The following TYR variants were observed in gnomAD, a reference collection of about 807,000 sequenced individuals.
TYR encodes LB24-AB.
In TYR, 58 loss-of-function variants were observed where a neutral mutation model predicts 51.5. That is an observed-to-expected ratio of 1.13 (90% CI 0.91 to 1.40). The LOEUF (loss-of-function observed/expected upper bound fraction) is 1.40. Among genes scored for constraint, TYR ranks in the 40% most tolerant of loss-of-function variants. The probability of loss-of-function intolerance (pLI) is 0.00; values close to 1 mark genes in which losing one functional copy is unlikely to be tolerated. For synonymous variants in TYR, 263 were observed against 235.2 expected (o/e 1.12, Z -1.08); for missense variants, 732 against 647.4 (o/e 1.13, Z -1.42).
intron 3 of TYR, 88 bp downstream of exon 3, chr11:89,228,058 G>T: frequency 3.3e-6 from 5 of 1,526,704 alleles, no homozygotes; most frequent in Non-Finnish European, 3.6e-6. Flanking sequence ...TTAAATAAAA[G>T]CTAAGAAGTT....
chr11:89,192,085 C>A lies in TYR; in HGVS notation c.1036+667C>A, dbSNP rs1454719095. On this transcript the variant is annotated intron_variant, in intron 2 of 4. Coordinates refer to ENST00000263321, the MANE Select transcript of TYR (RefSeq NM_000372.5). Reference sequence around the variant, plus strand: ...GACACAGCACATAGGTAAAGCCTCCCTCTCATTATCCCTTAAGTTTTCTGT... The same window carrying A: ...GACACAGCACATAGGTAAAGCCTCCATCTCATTATCCCTTAAGTTTTCTGT... 9.8e-6 allele frequency: 4 copies of A among 407,198 alleles called. No individual in the cohort carries two copies. In the East Asian group the frequency reaches 3.3e-4, roughly 34 times the overall value. 25.2% of individuals were successfully genotyped at this position (407,198 alleles called of 1,614,324 possible). A position where few individuals can be genotyped will look rare whatever the true frequency, so the allele number is the denominator to read the frequency against.
intron 3 of TYR, among the ~76,000 whole-genome samples, chr11:89,248,840 T>C (rs1334370242): frequency 2.6e-5 from 4 of 152,104 alleles, no homozygotes; most frequent in Non-Finnish European, 4.4e-5. Context: ...AATGGAGCTA[T>C]TGGGAAACAG....
intron 3 of TYR, among the ~76,000 whole-genome samples, chr11:89,253,699 CATTT>C (rs55679085): frequency 0.26 from 39,978 of 151,460 alleles, 5,409 homozygotes; most frequent in Non-Finnish European, 0.3. Flanking sequence ...TTGCTGAATT[CATTT>C]ATCAATTCTA....
At chr11:89,264,201 T>TA (rs895354520) in intron 3 of TYR, among the ~76,000 whole-genome samples, 20 of 151,612 alleles carry the variant, frequency 1.3e-4, no homozygotes, top group East Asian at 3.9e-4. Context: ...AAACCCTTTT[T>TA]AAAAAAAAAT....
At chr11:89,279,897 G>C (rs1054433042) in intron 3 of TYR, among the ~76,000 whole-genome samples, 2 of 151,676 alleles carry the variant, frequency 1.3e-5, no homozygotes, top group African/African-American at 4.8e-5. Flanking sequence ...CTTCAAGACA[G>C]AGTATCTACA....
intron 1 of TYR, among the ~76,000 whole-genome samples, chr11:89,190,458 A>T (rs1417215301): frequency 6.6e-6 from 1 of 152,168 alleles, no homozygotes; most frequent in Non-Finnish European, 1.5e-5. Context: ...ATTAAATAGC[A>T]TAAAGCTTAT....
chr11:89,217,535 C>T (rs1278402445), intron 2 of TYR, among the ~76,000 whole-genome samples: 4 of 152,192 alleles, frequency 2.6e-5, no homozygotes, highest in Non-Finnish European at 2.9e-5. Flanking sequence ...GCCTACATGT[C>T]ATTGACCACT....
chr11:89,269,164 T>G (rs1338479950), intron 3 of TYR, among the ~76,000 whole-genome samples: 1 of 151,954 alleles, frequency 6.6e-6, no homozygotes, highest in South Asian at 2.1e-4. Flanking sequence ...AATGGACAAC[T>G]CAGTGAAGGG....
rs1156577257 is a variant in TYR, at chr11:89,231,170, C to CAAA, written c.1184+3219_1184+3221dup. Among the ~76,000 whole-genome samples, 81 of 65,342 alleles carry CAAA rather than the reference C, an allele frequency of 1.2e-3. 2 individuals are homozygous for CAAA. The highest frequency in any genetic ancestry group is 3.7e-3 in the African/African-American group (76 of 20,286). 42.9% of individuals were successfully genotyped at this position (65,342 alleles called of 152,430 possible). ...TGAGTGACAGGGTGAGACTTCGTCT[C>CAAA]AAAAAAAAAAAAAAAAAAAAAGGAA... On this transcript the variant is annotated intron_variant, in intron 3 of 4. Transcript: ENST00000263321.
intron 4 of TYR, among the ~76,000 whole-genome samples, chr11:89,288,375 G>T (rs1944817304): frequency 1.3e-5 from 2 of 151,918 alleles, no homozygotes; most frequent in East Asian, 1.9e-4. Context: ...CAGAGAAGAG[G>T]GTTCCCTTTA....
chr11:89,282,163 G>A (rs978837663), intron 3 of TYR, among the ~76,000 whole-genome samples: 6 of 151,582 alleles, frequency 4.0e-5, no homozygotes, highest in South Asian at 4.2e-4. Flanking sequence ...GTCCTACTTA[G>A]GTAAAGAATT....
chr11:89,243,075 G>A (rs1187552892), intron 3 of TYR, among the ~76,000 whole-genome samples: 2 of 152,248 alleles, frequency 1.3e-5, no homozygotes, highest in African/African-American at 4.8e-5. Context: ...CCAACAATTT[G>A]AATAACTATT....
At chr11:89,244,524 T>C (rs1346342883) in intron 3 of TYR, among the ~76,000 whole-genome samples, 2 of 152,264 alleles carry the variant, frequency 1.3e-5, no homozygotes, top group African/African-American at 2.4e-5. Context: ...TGTCTCACTT[T>C]TGTGTGACCT....
At chr11:89,229,479 A>G (rs529353140) in intron 3 of TYR, among the ~76,000 whole-genome samples, 1 of 152,074 alleles carries the variant, frequency 6.6e-6, no homozygotes, top group South Asian at 2.1e-4. Context: ...TACCCAGTGA[A>G]CTCTAAAGAT....
At chr11:89,189,412 TA>T (rs1241298919) in intron 1 of TYR, among the ~76,000 whole-genome samples, 1 of 151,408 alleles carries the variant, frequency 6.6e-6, no homozygotes, top group Non-Finnish European at 1.5e-5. Flanking sequence ...TTTCTTTTCT[TA>T]AAAAACAATC....
At chr11:89,246,111 A>T (rs540164524) in intron 3 of TYR, among the ~76,000 whole-genome samples, 6 of 152,116 alleles carry the variant, frequency 3.9e-5, no homozygotes, top group Non-Finnish European at 7.4e-5. Context: ...GACAGGCACT[A>T]GCTTAGGAAC....
intron 2 of TYR, among the ~76,000 whole-genome samples, chr11:89,211,375 T>C (rs969122978): frequency 6.6e-6 from 1 of 152,026 alleles, no homozygotes; most frequent in Non-Finnish European, 1.5e-5. Flanking sequence ...ATAATGGTAA[T>C]GGGATCAATT....
In TYR at chr11:89,272,618, T is replaced by C. The variant is rs145225485; in HGVS notation, c.1185-12155T>C. ...GCTGCATTAGCTCCTAACAAGAGAG[T>C]TAGCCCATCCTTTGAAGCTTTAAAG... On this transcript the variant is annotated intron_variant, in intron 3 of 4. Coordinates refer to ENST00000263321, the MANE Select transcript of TYR (RefSeq NM_000372.5). 3.9e-5 allele frequency among the ~76,000 whole-genome samples: 6 copies of C among 151,996 alleles called. No homozygotes were observed. The East Asian group carries it at 1.2e-3, about 30-fold the overall frequency.
intron 2 of TYR, 52 bp from the exon 3 acceptor site, chr11:89,227,771 G>C: frequency 6.7e-7 from 1 of 1,501,090 alleles, no homozygotes. Context: ...AATCACATAG[G>C]TTTTCAGTCA....
Sources: allele counts gnomAD v4.1 joint callset (sites outside exome capture counted in the v4.1 genomes callset), GRCh38; gene constraint gnomAD v4.1.1; transcripts MANE v1.5; gene names NCBI Gene and HGNC (gene_info 2026-07-23, HGNC 2026-07-21).